PHACTR4: variants seen among roughly 807,000 people sequenced by gnomAD.
PHACTR4 encodes phosphatase and actin regulator 4.
PHACTR4 carries 51 observed loss-of-function variants against 72.7 expected under a neutral mutation model. The ratio of observed to expected loss-of-function variants is 0.70; its 90% CI spans 0.56 to 0.89. The LOEUF (loss-of-function observed/expected upper bound fraction) is 0.89, where lower values mean the gene tolerates loss of function less well. Among genes scored for constraint, PHACTR4 ranks in the 40% least tolerant of loss-of-function variants. The pLI, the probability that PHACTR4 is intolerant of heterozygous loss-of-function variation, is 0.00. For missense variants in PHACTR4, 731 were observed against 861.8 expected (o/e 0.85, Z 1.90); for synonymous variants, 255 against 302.5 (o/e 0.84, Z 1.63).
chr1:28,480,696 TG>T, intron 9 of PHACTR4, 92 bp downstream of exon 9: 1 of 1,528,452 alleles, frequency 6.5e-7, no homozygotes, highest in Non-Finnish European at 8.9e-7. Flanking sequence ...GTGTGTGTTT[TG>T]TTTCGTTTTC....
intron 4 of PHACTR4, among the ~76,000 whole-genome samples, chr1:28,465,170 C>T (rs569951247): frequency 2.0e-5 from 3 of 152,138 alleles, no homozygotes; most frequent in African/African-American, 7.2e-5. Context: ...GGTTAGAAAT[C>T]ACCAACCCTG....
At chr1:28,383,780 G>A (rs1324273377) in intron 1 of PHACTR4, among the ~76,000 whole-genome samples, 2 of 152,026 alleles carry the variant, frequency 1.3e-5, no homozygotes, top group African/African-American at 4.8e-5. Context: ...CTGGATACAG[G>A]GTCATGTTGT....
At chr1:28,457,327 G>C (rs1278195624) in intron 2 of PHACTR4, 2 of 448,810 alleles carry the variant, frequency 4.5e-6, no homozygotes, top group South Asian at 3.2e-5. Flanking sequence ...AGGTGTGGTG[G>C]TACACACCTT....
chr1:28,483,251 C>T (rs1333953911), intron 9 of PHACTR4, among the ~76,000 whole-genome samples: 1 of 151,852 alleles, frequency 6.6e-6, no homozygotes, highest in Non-Finnish European at 1.5e-5. Context: ...AAAACTTAGC[C>T]AGACATGGTG....
rs1420862984 is a variant in PHACTR4 at position 28,476,220 on chromosome 1, A to G, written c.1535A>G (p.Lys512Arg). ...LPQCLREEEE[K>R]ESDSDSEGPI... ...CAGTGTCTACGGGAGGAAGAAGAGAAGGAGAGCGACTCTGATTCAGAAGGT... is the reference window on the plus strand; with the variant it reads ...CAGTGTCTACGGGAGGAAGAAGAGAGGGAGAGCGACTCTGATTCAGAAGGT... Residue 512 changes from lysine to arginine, a missense_variant, in exon 8 of 14, where the codon AAG (lysine) becomes AGG (arginine). Lys to Arg is a conservative substitution (Grantham distance 26). This residue lies in a region of PHACTR4 where 621 missense variants were observed against 676.6 expected (regional missense o/e 0.92). Transcript: ENST00000373839. The G allele has an allele frequency of 6.3e-7, 1 of 1,598,566 alleles. No individual in the cohort carries two copies. The highest frequency in any genetic ancestry group is 1.3e-5 in the African/African-American group (1 of 74,218).
intron 8 of PHACTR4, among the ~76,000 whole-genome samples, chr1:28,476,814 A>G (rs1659957335): frequency 9.6e-6 from 1 of 104,304 alleles, no homozygotes; most frequent in South Asian, 2.6e-4. Context: ...CTTGTTGCCC[A>G]GGCTGGAGTG....
chr1:28,481,635 C>T (rs1038189797), intron 9 of PHACTR4, among the ~76,000 whole-genome samples: 1 of 151,510 alleles, frequency 6.6e-6, no homozygotes, highest in South Asian at 2.1e-4. Flanking sequence ...ACTAAAAATA[C>T]AAAAATTAGC....
chr1:28,406,432 A>G (rs571004513), intron 1 of PHACTR4, among the ~76,000 whole-genome samples: 1 of 152,132 alleles, frequency 6.6e-6, no homozygotes, highest in Non-Finnish European at 1.5e-5. Flanking sequence ...TTGAGGGGGA[A>G]AAAAAAAGCC....
At chr1:28,448,045 C>T (rs759636213) in intron 2 of PHACTR4, among the ~76,000 whole-genome samples, 1 of 152,094 alleles carries the variant, frequency 6.6e-6, no homozygotes, top group East Asian at 1.9e-4. Context: ...GTGTAAATAC[C>T]ATAAATGAAT....
At chr1:28,491,269 C>CAA (rs925221901) in intron 11 of PHACTR4, among the ~76,000 whole-genome samples, 9 of 150,458 alleles carry the variant, frequency 6.0e-5, no homozygotes, top group Admixed American at 4.0e-4. Flanking sequence ...GCAGCCTGGG[C>CAA]AACATGGCAA....
intron 2 of PHACTR4, among the ~76,000 whole-genome samples, chr1:28,458,130 G>T (rs1658539333): frequency 6.7e-6 from 1 of 150,190 alleles, no homozygotes; most frequent in Admixed American, 6.7e-5. Context: ...GTGTGTGTGT[G>T]TGTGTGTGTG....
chr1:28,373,609 T>C (rs1357004979), intron 1 of PHACTR4, among the ~76,000 whole-genome samples: 1 of 151,934 alleles, frequency 6.6e-6, no homozygotes, highest in Non-Finnish European at 1.5e-5. Context: ...ATAATTTTTA[T>C]AGAGACAGGT....
chr1:28,395,269 C>T (rs988231463), intron 1 of PHACTR4, among the ~76,000 whole-genome samples: 2 of 150,714 alleles, frequency 1.3e-5, no homozygotes, highest in South Asian at 2.1e-4. Context: ...TGATACATAA[C>T]GATGCCAGAA....
At chr1:28,378,624 G>C (rs1651899585) in intron 1 of PHACTR4, among the ~76,000 whole-genome samples, 1 of 137,116 alleles carries the variant, frequency 7.3e-6, no homozygotes, top group Non-Finnish European at 1.5e-5. Flanking sequence ...AAAAATAGAG[G>C]AAGTATTTAG....
intron 2 of PHACTR4, among the ~76,000 whole-genome samples, chr1:28,412,352 A>G (rs1654843366): frequency 6.6e-6 from 1 of 152,236 alleles, no homozygotes. Flanking sequence ...TTTGCAACTC[A>G]GTCACACAAA....
At chr1:28,369,962 C>T (rs1041187464) in intron 1 of PHACTR4, 137 bp downstream of exon 1, 79 of 345,526 alleles carry the variant, frequency 2.3e-4, no homozygotes, top group South Asian at 4.7e-4. Flanking sequence ...GGGTCGCCGT[C>T]GCTTCGGGCC....
At chr1:28,401,886 A>T (rs952689708) in intron 1 of PHACTR4, among the ~76,000 whole-genome samples, 4 of 152,188 alleles carry the variant, frequency 2.6e-5, no homozygotes, top group African/African-American at 9.6e-5. Flanking sequence ...GCCATCAGCC[A>T]CTGCATCCAG....
At chr1:28,394,512 A>G (rs1359094347) in intron 1 of PHACTR4, among the ~76,000 whole-genome samples, 2 of 151,990 alleles carry the variant, frequency 1.3e-5, no homozygotes, top group African/African-American at 2.4e-5. Flanking sequence ...GCTGGTCTCA[A>G]GCTCCTGGCC....
At chr1:28,402,864 A>T (rs1654041738) in intron 1 of PHACTR4, among the ~76,000 whole-genome samples, 1 of 152,216 alleles carries the variant, frequency 6.6e-6, no homozygotes, top group South Asian at 2.1e-4. Flanking sequence ...AACCAGGATC[A>T]TCCCCTAGGA....
Sources: gnomAD v4.1 joint callset for allele counts (sites outside exome capture counted in the v4.1 genomes callset) on GRCh38, gnomAD v4.1.1 for gene constraint, gnomAD v4.1.1 regional missense constraint, MANE v1.5 for transcripts, NCBI Gene and HGNC (gene_info 2026-07-23, HGNC 2026-07-21) for gene names.